Variants in GRB14 observed in about 807,000 individuals in gnomAD.
GRB14 encodes the protein growth factor receptor bound protein 14.
In GRB14, 38 loss-of-function variants were observed where a neutral mutation model predicts 69.1. The ratio of observed to expected loss-of-function variants is 0.55; its 90% CI spans 0.42 to 0.72. The LOEUF (loss-of-function observed/expected upper bound fraction) is 0.72, where lower values mean the gene tolerates loss of function less well. GRB14 is among the 30% of genes least tolerant of loss of function. GRB14 has a pLI of 0.00. For synonymous variants in GRB14, 247 were observed against 241.3 expected (o/e 1.02, Z -0.22); for missense variants, 666 against 666.1 (o/e 1.00, Z 0.00).
At chr2:164,507,860 T>C (rs189533754) in intron 8 of GRB14, among the ~76,000 whole-genome samples, 2 of 152,328 alleles carry the variant, frequency 1.3e-5, no homozygotes, top group East Asian at 3.9e-4. Context: ...TGCTTTTATT[T>C]CCTATGAGAG....
chr2:164,532,339 T>C lies in GRB14; in HGVS notation c.482-5204A>G, dbSNP rs372380289. ...AATTCAAAATACAGTAATTTCTGCA[T>C]GTCTGAGTCTGACAGCTGTTTCATT... On this transcript the variant is annotated intron_variant, in intron 3 of 13. Coordinates refer to ENST00000263915, the MANE Select transcript of GRB14 (RefSeq NM_004490.3). Among the ~76,000 whole-genome samples, 6 of 152,250 alleles carry C rather than the reference T, an allele frequency of 3.9e-5. No homozygotes were observed. The East Asian group carries it at 9.6e-4, about 24-fold the overall frequency.
rs1035209257 is a variant in GRB14, at chr2:164,554,458, A to G, written c.325-6642T>C. ...AATAGGAAGAAATTTTGTTCCATCA[A>G]AGGATTGAAAGTTGACTAGCAAAAG... On this transcript the variant is annotated intron_variant, in intron 2 of 13. Transcript: ENST00000263915. Among the ~76,000 whole-genome samples, 4 of 152,140 alleles carry G rather than the reference A, an allele frequency of 2.6e-5. No individual in the cohort carries two copies. In the East Asian group the frequency reaches 5.8e-4, roughly 22 times the overall value.
intron 2 of GRB14, among the ~76,000 whole-genome samples, chr2:164,608,427 T>C (rs1240779452): frequency 2.0e-5 from 3 of 151,520 alleles, no homozygotes; most frequent in Non-Finnish European, 2.9e-5. Flanking sequence ...CACTGAAAAA[T>C]AAATTATGAA....
At chr2:164,603,674 AT>A (rs564866708) in intron 2 of GRB14, among the ~76,000 whole-genome samples, 5,113 of 32,634 alleles carry the variant, frequency 0.16, 327 homozygotes, top group African/African-American at 0.28. Context: ...AAAAAAAAAT[AT>A]ATATATATTA....
chr2:164,578,748 G>A (rs998362605), intron 2 of GRB14, among the ~76,000 whole-genome samples: 9 of 152,130 alleles, frequency 5.9e-5, no homozygotes, highest in Non-Finnish European at 7.3e-5. Context: ...CAGATGTTAC[G>A]GAAGGAAATT....
chr2:164,506,578 A>G (rs542860555), intron 8 of GRB14, among the ~76,000 whole-genome samples: 2 of 152,338 alleles, frequency 1.3e-5, no homozygotes, highest in East Asian at 3.9e-4. Context: ...ATGTACAATT[A>G]CCATACAATA....
chr2:164,546,165 T>C lies in GRB14; in HGVS notation c.481+1495A>G, dbSNP rs71426728. Among the ~76,000 whole-genome samples the C allele has an allele frequency of 5.5e-3, 843 of 152,334 alleles. 6 individuals carry two copies. The highest frequency in any genetic ancestry group is 9.5e-3 in the Non-Finnish European group (643 of 68,030). On this transcript the variant is annotated intron_variant, in intron 3 of 13. Transcript: ENST00000263915. ...TATTCTTCCATCAATTTGAGCTGTT[T>C]TAGGTCTAAAATTCCCATAGATCTT...
chr2:164,578,817 G>A (rs1689319560), intron 2 of GRB14, among the ~76,000 whole-genome samples: 1 of 152,108 alleles, frequency 6.6e-6, no homozygotes, highest in Non-Finnish European at 1.5e-5. Flanking sequence ...CTCCTTTTCT[G>A]GTTCTCTATA....
chr2:164,568,706 G>T (rs1689048377), intron 2 of GRB14, among the ~76,000 whole-genome samples: 1 of 152,104 alleles, frequency 6.6e-6, no homozygotes, highest in South Asian at 2.1e-4. Context: ...GCAATTCAAT[G>T]CCATCTTTGT....
At chr2:164,586,755 A>G (rs1224267252) in intron 2 of GRB14, among the ~76,000 whole-genome samples, 1 of 152,238 alleles carries the variant, frequency 6.6e-6, no homozygotes, top group African/African-American at 2.4e-5. Flanking sequence ...GATCAAAATG[A>G]TAAGCTTAGA....
At chr2:164,573,314 A>G (rs1428065071) in intron 2 of GRB14, among the ~76,000 whole-genome samples, 1 of 152,144 alleles carries the variant, frequency 6.6e-6, no homozygotes, top group Non-Finnish European at 1.5e-5. Context: ...AAGACTAGTC[A>G]CTCCGGTTAC....
At chr2:164,542,794 A>G (rs1034177642) in intron 3 of GRB14, among the ~76,000 whole-genome samples, 2 of 152,202 alleles carry the variant, frequency 1.3e-5, no homozygotes, top group African/African-American at 4.8e-5. Flanking sequence ...CTGCTGGTGG[A>G]ATGTAAATTA....
chr2:164,579,545 A>G (rs11691134), intron 2 of GRB14, among the ~76,000 whole-genome samples: 82,872 of 151,428 alleles, frequency 0.55, 23,820 homozygotes, highest in African/African-American at 0.63. Flanking sequence ...ACACTTACTC[A>G]CACTGGGACC....
intron 12 of GRB14, among the ~76,000 whole-genome samples, chr2:164,496,209 T>C (rs760495185): frequency 6.6e-6 from 1 of 152,214 alleles, no homozygotes. Context: ...AGCCAACTTT[T>C]GAAGATAAAA....
chr2:164,579,497 A>G (rs981097019), intron 2 of GRB14, among the ~76,000 whole-genome samples: 1 of 136,072 alleles, frequency 7.3e-6, no homozygotes, highest in East Asian at 2.0e-4. Flanking sequence ...TACAGGGCAC[A>G]CTTGCACACA....
In GRB14 at chr2:164,580,618, C is replaced by T. The variant is rs536061988; in HGVS notation, c.325-32802G>A. Among the ~76,000 whole-genome samples the T allele has an allele frequency of 4.0e-5, 6 of 151,738 alleles. No homozygotes were observed. In the East Asian group the frequency reaches 7.9e-4, roughly 20 times the overall value. On this transcript the variant is annotated intron_variant, in intron 2 of 13. Coordinates refer to ENST00000263915, the MANE Select transcript of GRB14 (RefSeq NM_004490.3). Reference sequence around the variant, plus strand: ...ACTCAGGAGGCTGAGGCAGGAGAATCGCTTGAACCCGAGAGGTGGAGGTTG... The same window carrying T: ...ACTCAGGAGGCTGAGGCAGGAGAATTGCTTGAACCCGAGAGGTGGAGGTTG...
At chr2:164,600,402 GATGT>G (rs1689887300) in intron 2 of GRB14, among the ~76,000 whole-genome samples, 1 of 152,178 alleles carries the variant, frequency 6.6e-6, no homozygotes, top group Non-Finnish European at 1.5e-5. Context: ...AAAGCATGTG[GATGT>G]ATGAGTAATA....
Position 164,494,434 on chromosome 2 carries a change from T to C in GRB14, c.1473A>G (p.Ile491Met), listed in dbSNP as rs1686838570. 2 of 1,521,076 alleles carry C rather than the reference T, an allele frequency of 1.3e-6. No individual in the cohort carries two copies. The highest frequency in any genetic ancestry group is 9.1e-7 in the Non-Finnish European group (1 of 1,095,604). 94.2% of individuals were successfully genotyped at this position (1,521,076 alleles called of 1,614,324 possible). Residue 491 changes from isoleucine to methionine, a missense_variant, in exon 13 of 14, where the codon ATA becomes ATG. By Grantham distance (10) the Ile-to-Met change is conservative. Transcript: ENST00000263915. ...HGQKIKHFQI[I>M]PVEDDGEMFH... ...TGTGAAATCACGAATTACTTACTGGTATAATTTGAAAGTGCTTTATTTTTT... is the reference window on the plus strand; with the variant it reads ...TGTGAAATCACGAATTACTTACTGGCATAATTTGAAAGTGCTTTATTTTTT...
intron 3 of GRB14, among the ~76,000 whole-genome samples, chr2:164,534,585 A>T (rs1445282687): frequency 6.6e-6 from 1 of 152,180 alleles, no homozygotes; most frequent in Non-Finnish European, 1.5e-5. Flanking sequence ...GGTCTAGCCA[A>T]AAAACACCAT....
Sources: gnomAD v4.1 joint callset for allele counts (sites outside exome capture counted in the v4.1 genomes callset) on GRCh38, gnomAD v4.1.1 for gene constraint, MANE v1.5 for transcripts, NCBI Gene and HGNC (gene_info 2026-07-23, HGNC 2026-07-21) for gene names.